TRPV6: variants seen among roughly 807,000 people sequenced by gnomAD.
TRPV6 encodes transient receptor potential cation channel subfamily V member 6, also known as Alu-binding protein with zinc finger domain.
A neutral mutation model predicts 79.0 loss-of-function variants in TRPV6; 39 were observed. The ratio of observed to expected loss-of-function variants is 0.49; its 90% CI spans 0.38 to 0.64. The LOEUF (loss-of-function observed/expected upper bound fraction) is 0.64, where lower values mean the gene tolerates loss of function less well. Ranked by LOEUF, TRPV6 falls within the 30% of genes least tolerant of loss-of-function variation. TRPV6 has a pLI of 0.00. For missense variants in TRPV6, 813 were observed against 1,011.1 expected (o/e 0.80, Z 2.66); for synonymous variants, 373 against 391.9 (o/e 0.95, Z 0.57).
rs186839837 is a variant in TRPV6, at chr7:142,874,205, C to T, written c.1573-63G>A. On this transcript the variant is annotated intron_variant, in intron 11 of 14. Coordinates refer to ENST00000359396, the MANE Select transcript of TRPV6 (RefSeq NM_018646.6). The stretch of plus-strand genomic sequence containing the variant: ...TCCCCAAGCAATTGCCCCATCCAGC[C>T]TCTAACAGGTCTCACCCCGACAAGT... The T allele has an allele frequency of 1.5e-5, 24 of 1,554,554 alleles. No individual in the cohort carries two copies. The African/African-American group carries it at 2.2e-4, about 14-fold the overall frequency.
Position 142,871,219 on chromosome 7 carries a change from AACG to A in TRPV6, c.*485_*487del. On this transcript the variant is annotated 3_prime_UTR_variant, in exon 15 of 15. Transcript: ENST00000359396. Reference sequence around the variant, plus strand: ...AAGGGCAGCTGGGCAGGGATCCGAAAACGACTTTATTGAAGATGGAGTTGGCAA... The same window carrying A: ...AAGGGCAGCTGGGCAGGGATCCGAAAACTTTATTGAAGATGGAGTTGGCAA... 1.9e-6 allele frequency: 1 copy of A among 534,344 alleles called. No individual in the cohort carries two copies. Among genetic ancestry groups the A allele is most frequent in the Non-Finnish European group, 3.4e-6 (1 of 295,704 alleles). 33.1% of individuals were successfully genotyped at this position (534,344 alleles called of 1,614,324 possible). A position where few individuals can be genotyped will look rare whatever the true frequency, so the allele number is the denominator to read the frequency against.
At chr7:142,874,792 C>T in intron 10 of TRPV6, 112 bp downstream of exon 10, 1 of 1,548,224 alleles carries the variant, frequency 6.5e-7, no homozygotes, top group Non-Finnish European at 8.9e-7. Context: ...GTCATACACA[C>T]AGCACTAGAG....
intron 10 of TRPV6, 53 bp downstream of exon 10, chr7:142,874,851 G>A: frequency 6.2e-7 from 1 of 1,605,826 alleles, no homozygotes; most frequent in Non-Finnish European, 8.5e-7. Flanking sequence ...TCCAAGGAGT[G>A]GAACTGGAGC....
Position 142,872,355 on chromosome 7 carries a change from C to T in TRPV6, c.2015+17G>A, listed in dbSNP as rs200758829. 7.8e-4 allele frequency: 1,254 copies of T among 1,613,040 alleles called. 17 individuals are homozygous for T. The South Asian group carries it at 0.013, about 17-fold the overall frequency. On this transcript the variant is annotated intron_variant, in intron 14 of 14. Coordinates refer to ENST00000359396, the MANE Select transcript of TRPV6 (RefSeq NM_018646.6). ...ATGAGGCTTCTCAGGGGACACCTAC[C>T]CCCGCATATCACTCACCGCAGGAAC...
At chr7:142,881,614 A>T (rs1795192985) in intron 1 of TRPV6, 1 of 152,202 alleles carries the variant, frequency 6.6e-6, no homozygotes, top group South Asian at 2.1e-4. Context: ...CAGGTTCTAG[A>T]ATGTTTTCTT....
intron 6 of TRPV6, chr7:142,876,158 G>A: frequency 1.4e-6 from 1 of 691,320 alleles, no homozygotes; most frequent in Non-Finnish European, 2.3e-6. Context: ...GGGGCTGAAA[G>A]GGAAGGTGGG....
At chr7:142,876,245 A>C in intron 6 of TRPV6, 163 bp downstream of exon 6, 7 of 1,080,718 alleles carry the variant, frequency 6.5e-6, no homozygotes, top group Non-Finnish European at 9.2e-6. Flanking sequence ...AGGAGTGGGC[A>C]AGAAAGGGAA....
Position 142,876,810 on chromosome 7 carries a change from C to T in TRPV6, c.635G>A (p.Cys212Tyr), listed in dbSNP as rs1586190048. 1.9e-6 allele frequency: 3 copies of T among 1,614,168 alleles called. No homozygotes were observed. Among genetic ancestry groups the T allele is most frequent in the Non-Finnish European group, 2.5e-6 (3 of 1,180,028 alleles). Residue 212 changes from cysteine to tyrosine, a missense_variant, in exon 5 of 15, where the codon TGT becomes TAT. By Grantham distance (194) the Cys-to-Tyr change is radical. Coordinates refer to ENST00000359396, the MANE Select transcript of TRPV6 (RefSeq NM_018646.6). ...CCGCACGATCTCCTCACTGTTCACA[C>T]AGGCAGCAAAGGACAAAGGGTGCTC...
chr7:142,878,945 G>A (rs957174360), intron 1 of TRPV6: 1 of 152,202 alleles, frequency 6.6e-6, no homozygotes, highest in Non-Finnish European at 1.5e-5. Context: ...GTCCTTGCAT[G>A]CAAAAACCGG....
Position 142,871,764 on chromosome 7 carries a change from C to T in TRPV6, c.2241G>A (p.Leu747=). Residue 747 remains leucine (L), a synonymous_variant, in exon 15 of 15, where the codon CTG becomes CTA. Coordinates refer to ENST00000359396, the MANE Select transcript of TRPV6 (RefSeq NM_018646.6). ...CCAGACCCCTGTTGATTATCCCACGCAGGTCTCTCCTCAGGGTCCCTTGCC... is the reference window on the plus strand; with the variant it reads ...CCAGACCCCTGTTGATTATCCCACGTAGGTCTCTCCTCAGGGTCCCTTGCC... 1 of 1,614,052 alleles carries T rather than the reference C, an allele frequency of 6.2e-7. No homozygotes were observed. The highest frequency in any genetic ancestry group is 8.5e-7 in the Non-Finnish European group (1 of 1,179,930).
chr7:142,872,558 C>T (rs757905764), intron 13 of TRPV6, 80 bp from the exon 14 acceptor site: 79 of 1,385,822 alleles, frequency 5.7e-5, no homozygotes, highest in Non-Finnish European at 7.6e-5. Context: ...CTTTGTTGAC[C>T]TTCTTCAGTG....
At chr7:142,885,199 C>G in intron 1 of TRPV6, 190 bp downstream of exon 1, 2 of 570,932 alleles carry the variant, frequency 3.5e-6, no homozygotes, top group East Asian at 3.1e-5. Context: ...CCATCTCAAC[C>G]CCATCCTCTT....
In TRPV6 at chr7:142,872,420, G is replaced by GAGCGAGGCCACAGGC. The variant is rs1376604561; in HGVS notation, c.1952_1966dup (p.Cys651_Arg655dup). On this transcript the variant is annotated inframe_insertion, in exon 14 of 15. Coordinates refer to ENST00000359396, the MANE Select transcript of TRPV6 (RefSeq NM_018646.6). ...GCCATACTCCCGTCCGCAGATCCCG[G>GAGCGAGGCCACAGGC]AGCGAGGCCACAGGCAGCGAGGCAG... 6.2e-7 allele frequency: 1 copy of GAGCGAGGCCACAGGC among 1,614,102 alleles called. No individual in the cohort carries two copies. Among genetic ancestry groups the GAGCGAGGCCACAGGC allele is most frequent in the African/African-American group, 1.3e-5 (1 of 74,932 alleles).
At position 142,877,636 on chromosome 7, in the gene TRPV6, C is replaced by A; in HGVS notation, c.469+15G>T. The A allele has an allele frequency of 6.2e-7, 1 of 1,613,414 alleles. No homozygotes were observed. ...AGTCACTCCTGCTCTTCACCCCAGA[C>A]CCGTGGGCCCTCACCCTCATAGAGC... On this transcript the variant is annotated intron_variant, in intron 3 of 14. Coordinates refer to ENST00000359396, the MANE Select transcript of TRPV6 (RefSeq NM_018646.6).
chr7:142,885,280 C>A (rs1184429265), intron 1 of TRPV6, 109 bp downstream of exon 1: 2 of 1,357,562 alleles, frequency 1.5e-6, no homozygotes, highest in Non-Finnish European at 1.0e-6. Flanking sequence ...CTGGGAGCAC[C>A]ATCTGTCCAG....
rs1794935352 is a variant in TRPV6, at chr7:142,871,739, C to A, written c.2266G>T (p.Glu756Ter). 1 of 1,611,402 alleles carries A rather than the reference C, an allele frequency of 6.2e-7. No individual in the cohort carries two copies. ...TGATATTCCCAGCTCTCCCCGTCCT[C>A]CAGACCCCTGTTGATTATCCCACGC... Residue 756 changes from glutamate (E) to a stop codon, truncating the protein, a stop_gained, in exon 15 of 15, where the codon GAG becomes TAG. Coordinates refer to ENST00000359396, the MANE Select transcript of TRPV6 (RefSeq NM_018646.6). LOFTEE classifies it high-confidence loss of function.
intron 13 of TRPV6, 91 bp from the exon 14 acceptor site, chr7:142,872,569 G>C (rs1429653951): frequency 7.8e-7 from 1 of 1,289,680 alleles, no homozygotes; most frequent in Non-Finnish European, 1.1e-6. Context: ...TTCTTCAGTG[G>C]GAGAGAGTTG....
chr7:142,875,817 C>G lies in TRPV6; in HGVS notation c.970G>C (p.Asp324His), dbSNP rs757050801. ...AGGGACTGCTCATCCCCTGAGGAGT[C>G]GATCTCTGTGAGGTCATAGAGAGTC... is the stretch of plus-strand genomic sequence containing the variant. Residue 324 changes from aspartate to histidine, a missense_variant, in exon 7 of 15, where the codon GAC becomes CAC. Asp to His is a moderately conservative substitution (Grantham distance 81, BLOSUM62 -1). Coordinates refer to ENST00000359396, the MANE Select transcript of TRPV6 (RefSeq NM_018646.6). 6.2e-7 allele frequency: 1 copy of G among 1,612,058 alleles called. No homozygotes were observed. The highest frequency in any genetic ancestry group is 1.1e-5 in the South Asian group (1 of 90,904).
chr7:142,879,881 T>C (rs2116527048), intron 1 of TRPV6: 1 of 152,378 alleles, frequency 6.6e-6, no homozygotes, highest in South Asian at 2.1e-4. Context: ...TCTCATCCTG[T>C]CTCAGCACTG....
Sources: allele counts gnomAD v4.1 joint callset, GRCh38; gene constraint gnomAD v4.1.1; transcripts MANE v1.5; gene names NCBI Gene and HGNC (gene_info 2026-07-23, HGNC 2026-07-21).